Variants in WDR27 observed in about 807,000 individuals in gnomAD.
The protein encoded by WDR27 is WD repeat domain 27, also known as WD repeat-containing protein 27.
Under a neutral mutation model 114.4 loss-of-function variants are expected in WDR27, and 100 were observed. The observed-to-expected ratio is 0.87, with a 90% CI of 0.74 to 1.03. WDR27 has a LOEUF of 1.03. Among genes scored for constraint, WDR27 ranks in the 50% least tolerant of loss-of-function variants. WDR27 has a pLI of 0.00. For synonymous variants in WDR27, 449 were observed against 423.1 expected, an observed-to-expected ratio of 1.06 and a Z score of -0.75; for missense variants, 1,129 against 1,092.9, an observed-to-expected ratio of 1.03 and a Z score of -0.47.
chr6:169,599,710 G>A (rs1458710361), intron 23 of WDR27, among the ~76,000 whole-genome samples: 2 of 151,908 alleles, frequency 1.3e-5, no homozygotes, highest in Non-Finnish European at 2.9e-5. Context: ...TCAAAAAACC[G>A]GCTCCTGGAT....
rs965900625 is a variant in WDR27 at position 169,626,911 on chromosome 6, G to T, written c.2223+6036C>A. On this transcript the variant is annotated intron_variant, in intron 21 of 25. Transcript: ENST00000448612. Reference sequence around the variant, plus strand: ...CCAACAGCACCACTGGGCAGTGCCTGTGTCTCCGAGGAGCTGAAAACCTGG... The same window carrying T: ...CCAACAGCACCACTGGGCAGTGCCTTTGTCTCCGAGGAGCTGAAAACCTGG... Among the ~76,000 whole-genome samples, 27 of 152,230 alleles carry T rather than the reference G, an allele frequency of 1.8e-4. 1 individual carries two copies. Among genetic ancestry groups the T allele is most frequent in the Admixed American group, 1.8e-3 (27 of 15,290 alleles).
chr6:169,642,099 C>T (rs1036325778), intron 17 of WDR27, among the ~76,000 whole-genome samples: 2 of 152,134 alleles, frequency 1.3e-5, no homozygotes, highest in African/African-American at 4.8e-5. Flanking sequence ...CTCAGAGGCC[C>T]CTGAACTCTC....
chr6:169,574,974 C>A (rs1802012122), intron 24 of WDR27, among the ~76,000 whole-genome samples: 1 of 152,162 alleles, frequency 6.6e-6, no homozygotes, highest in Non-Finnish European at 1.5e-5. Flanking sequence ...GGACTTCACC[C>A]TGGTATTTGT....
At chr6:169,544,480 C>A (rs1259875826) in intron 25 of WDR27, among the ~76,000 whole-genome samples, 5 of 150,952 alleles carry the variant, frequency 3.3e-5, no homozygotes, top group Non-Finnish European at 7.4e-5. Flanking sequence ...GCTCTGTCAC[C>A]CAGGCTGGAG....
chr6:169,527,977 A>C (rs2128074684), intron 25 of WDR27, among the ~76,000 whole-genome samples: 1 of 152,326 alleles, frequency 6.6e-6, no homozygotes, highest in Admixed American at 6.5e-5. Flanking sequence ...GGCATTTCTA[A>C]TTAATAAGGA....
chr6:169,697,098 A>G (rs1786301461), intron 1 of WDR27, among the ~76,000 whole-genome samples: 1 of 152,240 alleles, frequency 6.6e-6, no homozygotes, highest in African/African-American at 2.4e-5. Flanking sequence ...TATACCAGAT[A>G]TAGATCTTAG....
intron 21 of WDR27, among the ~76,000 whole-genome samples, 160 bp downstream of exon 21, chr6:169,632,787 A>G (rs1194737214): frequency 1.3e-5 from 2 of 152,254 alleles, no homozygotes; most frequent in African/African-American, 4.8e-5. Context: ...AATATCTCCT[A>G]GGGTCAAACA....
intron 25 of WDR27, among the ~76,000 whole-genome samples, chr6:169,460,244 T>G (rs1229157825): frequency 2.0e-5 from 3 of 152,230 alleles, no homozygotes; most frequent in African/African-American, 7.2e-5. Context: ...ATCACTACTT[T>G]ATGTTTTGGA....
chr6:169,649,358 A>T, intron 14 of WDR27, 83 bp from the exon 15 acceptor site: 3 of 1,174,584 alleles, frequency 2.6e-6, no homozygotes, highest in Non-Finnish European at 2.5e-6. Context: ...CAGTGAAAAA[A>T]ATTATATACA....
chr6:169,431,503 T>G, the WDR27 span, among the ~76,000 whole-genome samples: 1 of 152,140 alleles, frequency 6.6e-6, no homozygotes, highest in Non-Finnish European at 1.5e-5. Context: ...TTATATTGAT[T>G]ATTTGGTTTT....
the WDR27 span, among the ~76,000 whole-genome samples, chr6:169,428,837 G>A: frequency 3.3e-5 from 5 of 152,108 alleles, no homozygotes; most frequent in Non-Finnish European, 5.9e-5. Flanking sequence ...TCTCTGAGCC[G>A]CTCCTCTTCC....
chr6:169,688,749 C>T (rs1783706826), intron 2 of WDR27, 68 bp downstream of exon 2: 2 of 1,288,084 alleles, frequency 1.6e-6, no homozygotes, highest in Admixed American at 2.7e-5. Context: ...GCTGTCCGAA[C>T]AGCATCAAAG....
At chr6:169,658,387 A>G (rs1346039477) in intron 12 of WDR27, 29 bp from the exon 13 acceptor site, 1 of 1,538,606 alleles carries the variant, frequency 6.5e-7, no homozygotes, top group Non-Finnish European at 8.9e-7. Flanking sequence ...CCATGAAACT[A>G]GGAGCGCAAA....
intron 25 of WDR27, among the ~76,000 whole-genome samples, chr6:169,504,161 A>G (rs142319464): frequency 0.011 from 1,691 of 152,360 alleles, 8 homozygotes; most frequent in Non-Finnish European, 0.015. Context: ...TAGGAATTCA[A>G]CTGTTCACTA....
At chr6:169,454,031 AAAAAT>A (rs1367020460), downstream of WDR27, among the ~76,000 whole-genome samples, 13 of 152,216 alleles carry the variant, frequency 8.5e-5, no homozygotes, top group African/African-American at 3.1e-4. Flanking sequence ...CAATAACAGT[AAAAAT>A]AAAATTAAGT....
At chr6:169,483,082 A>T (rs758648713) in intron 25 of WDR27, among the ~76,000 whole-genome samples, 1 of 152,198 alleles carries the variant, frequency 6.6e-6, no homozygotes, top group Non-Finnish European at 1.5e-5. Flanking sequence ...TCAAAAAGGT[A>T]GAAATATCTC....
At chr6:169,520,331 T>G (rs1794216328) in intron 25 of WDR27, among the ~76,000 whole-genome samples, 1 of 152,058 alleles carries the variant, frequency 6.6e-6, no homozygotes, top group South Asian at 2.1e-4. Flanking sequence ...CACCATCTAG[T>G]GCCAAAAAGG....
intron 25 of WDR27, among the ~76,000 whole-genome samples, chr6:169,533,183 G>A (rs1795798975): frequency 6.6e-6 from 1 of 152,006 alleles, no homozygotes; most frequent in African/African-American, 2.4e-5. Flanking sequence ...GGGAGGTAGT[G>A]GAGCTCAGGG....
chr6:169,559,861 G>C (rs1325043177), intron 25 of WDR27: 1 of 152,210 alleles, frequency 6.6e-6, no homozygotes, highest in Admixed American at 6.5e-5. Context: ...GAAGCCTTGC[G>C]TGTCCACTTA....
Sources: gnomAD v4.1 joint callset for allele counts (sites outside exome capture counted in the v4.1 genomes callset) on GRCh38, gnomAD v4.1.1 for gene constraint, MANE v1.5 for transcripts, NCBI Gene and HGNC (gene_info 2026-07-23, HGNC 2026-07-21) for gene names.